ITGA9: variants seen among roughly 807,000 people sequenced by gnomAD.
The protein encoded by ITGA9 is integrin alpha-9.
A neutral mutation model predicts 127.8 loss-of-function variants in ITGA9; 56 were observed. The observed-to-expected ratio is 0.44, with a 90% CI of 0.35 to 0.55. The LOEUF (loss-of-function observed/expected upper bound fraction) is 0.55. Ranked by LOEUF, ITGA9 falls within the 20% of genes least tolerant of loss-of-function variation. The pLI is 0.00. For synonymous variants in ITGA9, 508 were observed against 514.5 expected, an observed-to-expected ratio of 0.99 and a Z score of 0.17; for missense variants, 1,196 against 1,347.1, an observed-to-expected ratio of 0.89 and a Z score of 1.76.
chr3:37,547,467 A>G (rs1699336935), intron 15 of ITGA9, among the ~76,000 whole-genome samples: 1 of 152,082 alleles, frequency 6.6e-6, no homozygotes, highest in East Asian at 1.9e-4. Flanking sequence ...ATCCAACAAA[A>G]TGCCTTGGGA....
intron 16 of ITGA9, among the ~76,000 whole-genome samples, chr3:37,649,614 TAGG>T (rs1393668192): frequency 6.6e-6 from 1 of 152,134 alleles, no homozygotes; most frequent in Non-Finnish European, 1.5e-5. Flanking sequence ...ACTATAATAA[TAGG>T]AGATTTCAGT....
chr3:37,646,179 GTAAA>G, intron 16 of ITGA9, among the ~76,000 whole-genome samples: 1 of 152,136 alleles, frequency 6.6e-6, no homozygotes, highest in Non-Finnish European at 1.5e-5. Context: ...GCCTGTTTTT[GTAAA>G]TAAAGTTTTA....
intron 15 of ITGA9, among the ~76,000 whole-genome samples, chr3:37,563,204 C>G (rs1699511383): frequency 6.6e-6 from 1 of 152,154 alleles, no homozygotes; most frequent in Non-Finnish European, 1.5e-5. Flanking sequence ...AGGATAGTTT[C>G]AAACAGTTGT....
At chr3:37,466,313 T>C (rs1698370079) in intron 1 of ITGA9, among the ~76,000 whole-genome samples, 2 of 151,670 alleles carry the variant, frequency 1.3e-5, no homozygotes, top group South Asian at 4.2e-4. Context: ...TGAAACCCCA[T>C]CTCTACTAAA....
intron 16 of ITGA9, among the ~76,000 whole-genome samples, chr3:37,636,317 C>T (rs1319694054): frequency 1.3e-5 from 2 of 152,128 alleles, no homozygotes; most frequent in Non-Finnish European, 2.9e-5. Flanking sequence ...TTTTAATGAT[C>T]ACCATTCTAA....
intron 11 of ITGA9, among the ~76,000 whole-genome samples, chr3:37,520,375 G>A (rs1173979083): frequency 6.6e-6 from 1 of 152,178 alleles, no homozygotes; most frequent in Non-Finnish European, 1.5e-5. Context: ...AGCCATGTAA[G>A]ATGGGTCTGT....
At chr3:37,752,977 CAG>C (rs1396104450) in intron 23 of ITGA9, among the ~76,000 whole-genome samples, 4 of 152,306 alleles carry the variant, frequency 2.6e-5, no homozygotes, top group Admixed American at 6.5e-5. Context: ...ACCTTAAAAA[CAG>C]AGCCACGGTG....
chr3:37,565,992 A>G (rs1269821799), intron 15 of ITGA9, among the ~76,000 whole-genome samples: 1 of 152,250 alleles, frequency 6.6e-6, no homozygotes, highest in Non-Finnish European at 1.5e-5. Flanking sequence ...TCCATGCCCA[A>G]GAGTTCCACC....
rs1697295651 is a variant in ITGA9, at chr3:37,806,299, G to C, written c.3009+2357G>C. ...AGTGTGTGTGGGTGTGTGTGTGTGT[G>C]CGTGCGCGTGTGTGTGTGTGTATGT... On this transcript the variant is annotated intron_variant, in intron 27 of 27. Transcript: ENST00000264741. This position sits in a 1 kb window ranked among gnomAD's most constrained non-coding sequence, Gnocchi z 4.3. 6.8e-6 allele frequency: 1 copy of C among 146,808 alleles called. No homozygotes were observed. 9.1% of individuals were successfully genotyped at this position (146,808 alleles called of 1,614,324 possible). A position where few individuals can be genotyped will look rare whatever the true frequency, so the allele number is the denominator to read the frequency against.
chr3:37,578,116 A>G (rs1443091573), intron 15 of ITGA9, among the ~76,000 whole-genome samples: 1 of 152,150 alleles, frequency 6.6e-6, no homozygotes, highest in Non-Finnish European at 1.5e-5. Context: ...GGGGGGTGGG[A>G]GGCTGCAGTT....
chr3:37,821,725 T>C lies in ITGA9; in HGVS notation c.*2736T>C, dbSNP rs1028412023. On this transcript the variant is annotated 3_prime_UTR_variant, in exon 28 of 28. Transcript: ENST00000264741. ...GGCAGTCTCAGAGCTGGGACCTATT[T>C]GCTTCTGCTTGATTCTGCGTGGGTG... 6 of 151,856 alleles carry C rather than the reference T, an allele frequency of 4.0e-5. No homozygotes were observed. Among genetic ancestry groups the C allele is most frequent in the Non-Finnish European group, 8.8e-5 (6 of 68,004 alleles). 9.4% of individuals were successfully genotyped at this position (151,856 alleles called of 1,614,324 possible). A position where few individuals can be genotyped will look rare whatever the true frequency, so the allele number is the denominator to read the frequency against.
intron 5 of ITGA9, among the ~76,000 whole-genome samples, chr3:37,501,594 C>G (rs1698787648): frequency 6.6e-6 from 1 of 152,146 alleles, no homozygotes. Flanking sequence ...TGTTCCTCCT[C>G]TTTACTCCAG....
intron 18 of ITGA9, among the ~76,000 whole-genome samples, chr3:37,700,072 C>T (rs977522033): frequency 5.3e-5 from 8 of 152,154 alleles, no homozygotes; most frequent in Non-Finnish European, 8.8e-5. Context: ...CAACCTCCGC[C>T]TCCCTGGTTC....
At chr3:37,625,712 T>C (rs1700170109) in intron 15 of ITGA9, among the ~76,000 whole-genome samples, 1 of 152,194 alleles carries the variant, frequency 6.6e-6, no homozygotes, top group Admixed American at 6.5e-5. Flanking sequence ...AGTGCTGAGC[T>C]CAGGGAAGCT....
At position 37,732,811 on chromosome 3, in the gene ITGA9, G is replaced by C. The variant is rs753840060; in HGVS notation, c.2154+13G>C. ...GTCAAAGTCAAAGGTAAGGGACACA[G>C]ACGGGACCCTTCCTCAGCAGCAGGC... On this transcript the variant is annotated intron_variant, in intron 19 of 27. Coordinates refer to ENST00000264741, the MANE Select transcript of ITGA9 (RefSeq NM_002207.3). 2.0e-5 allele frequency: 32 copies of C among 1,588,402 alleles called. No homozygotes were observed. The highest frequency in any genetic ancestry group is 2.7e-5 in the African/African-American group (2 of 74,544).
chr3:37,773,504 A>G (rs1198916576), intron 23 of ITGA9, among the ~76,000 whole-genome samples: 1 of 152,206 alleles, frequency 6.6e-6, no homozygotes, highest in Non-Finnish European at 1.5e-5. Context: ...AATATTTTCC[A>G]TCCACAATGT....
At chr3:37,658,727 TA>T in intron 17 of ITGA9, among the ~76,000 whole-genome samples, 1 of 152,298 alleles carries the variant, frequency 6.6e-6, no homozygotes, top group South Asian at 2.1e-4. Flanking sequence ...ACCCTTTCAT[TA>T]TGATGCTAGC....
intron 15 of ITGA9, among the ~76,000 whole-genome samples, chr3:37,554,560 T>A (rs2125596353): frequency 6.6e-6 from 1 of 152,114 alleles, no homozygotes; most frequent in Non-Finnish European, 1.5e-5. Context: ...TGGGAAGGCC[T>A]GTAGGAGGCG....
rs1427898532 is a variant in ITGA9, at chr3:37,473,477, G to T, written c.420+17G>T. On this transcript the variant is annotated intron_variant, in intron 3 of 27. Coordinates refer to ENST00000264741, the MANE Select transcript of ITGA9 (RefSeq NM_002207.3). ...CGTGTGTTGGTAAGTCCCTCCTGGG[G>T]GTGCTGTGGGAAGGGGGTGGCACTC... 1.9e-6 allele frequency: 3 copies of T among 1,588,590 alleles called. No individual in the cohort carries two copies. Among genetic ancestry groups the T allele is most frequent in the Middle Eastern group, 1.7e-4 (1 of 6,036 alleles).
Sources: allele counts gnomAD v4.1 joint callset (sites outside exome capture counted in the v4.1 genomes callset), GRCh38; gene constraint gnomAD v4.1.1; non-coding constraint Gnocchi (gnomAD v3.1); transcripts MANE v1.5; gene names NCBI Gene and HGNC (gene_info 2026-07-23, HGNC 2026-07-21).